Variants in LRRC4C observed in about 807,000 individuals in gnomAD.
LRRC4C encodes leucine-rich repeat-containing protein 4C.
LRRC4C carries 5 observed loss-of-function variants against 33.6 expected under a neutral mutation model. That is an observed-to-expected ratio of 0.15 (90% CI 0.08 to 0.31). The LOEUF (loss-of-function observed/expected upper bound fraction) is 0.31, where lower values mean the gene tolerates loss of function less well. Ranked by LOEUF, LRRC4C falls within the 10% of genes least tolerant of loss-of-function variation. The probability of loss-of-function intolerance (pLI) is 1.00; values close to 1 mark genes in which losing one functional copy is unlikely to be tolerated. For synonymous variants in LRRC4C, 329 were observed against 302.0 expected (o/e 1.09, Z -0.93); for missense variants, 560 against 796.7 (o/e 0.70, Z 3.58).
chr11:41,422,261 C>A (rs183889239), intron 1 of LRRC4C, among the ~76,000 whole-genome samples: 1 of 152,024 alleles, frequency 6.6e-6, no homozygotes, highest in African/African-American at 2.4e-5. Flanking sequence ...GAGCTCTTCC[C>A]GACCCCAGCC....
At chr11:41,237,774 C>G (rs893031463) in intron 1 of LRRC4C, among the ~76,000 whole-genome samples, 1 of 152,092 alleles carries the variant, frequency 6.6e-6, no homozygotes, top group Non-Finnish European at 1.5e-5. Context: ...AGAGTGTCAA[C>G]AGAGCTTTCA....
chr11:40,512,933 G>A (rs1955390307), intron 3 of LRRC4C, among the ~76,000 whole-genome samples: 1 of 152,110 alleles, frequency 6.6e-6, no homozygotes, highest in African/African-American at 2.4e-5. Context: ...TAGAGTGGCA[G>A]ACAAATATTT....
chr11:40,870,444 A>C (rs1293863041), intron 2 of LRRC4C, among the ~76,000 whole-genome samples: 1 of 152,152 alleles, frequency 6.6e-6, no homozygotes, highest in Non-Finnish European at 1.5e-5. Context: ...TCATACTAGA[A>C]TCAGGGCTGT....
intron 5 of LRRC4C, among the ~76,000 whole-genome samples, chr11:40,238,926 T>C (rs1865750808): frequency 6.6e-6 from 1 of 152,154 alleles, no homozygotes; most frequent in Admixed American, 6.6e-5. Flanking sequence ...AACACTGCCT[T>C]AAAATGTTAT....
intron 3 of LRRC4C, among the ~76,000 whole-genome samples, chr11:40,628,147 G>T (rs954927766): frequency 6.6e-6 from 1 of 152,150 alleles, no homozygotes; most frequent in Non-Finnish European, 1.5e-5. Context: ...GTATTTAAAA[G>T]ATCATAGGAT....
chr11:41,045,201 CT>C (rs5791417), intron 1 of LRRC4C, among the ~76,000 whole-genome samples: 50,735 of 151,752 alleles, frequency 0.33, 8,631 homozygotes, highest in Admixed American at 0.41. Flanking sequence ...TGTAAGAGAC[CT>C]TAAAAGTTTT....
chr11:40,774,593 A>G (rs908462769), intron 2 of LRRC4C, among the ~76,000 whole-genome samples: 2 of 152,176 alleles, frequency 1.3e-5, no homozygotes, highest in Non-Finnish European at 2.9e-5. Flanking sequence ...TTGAGAGAAG[A>G]GTTAAATTAC....
intron 3 of LRRC4C, among the ~76,000 whole-genome samples, chr11:40,448,409 C>G (rs1951735090): frequency 6.6e-6 from 1 of 151,920 alleles, no homozygotes; most frequent in African/African-American, 2.4e-5. Flanking sequence ...TAGCTCCCCA[C>G]CCCCCGACAG....
At chr11:40,965,950 T>C (rs1217697233) in intron 1 of LRRC4C, among the ~76,000 whole-genome samples, 1 of 152,134 alleles carries the variant, frequency 6.6e-6, no homozygotes, top group East Asian at 1.9e-4. Flanking sequence ...ATCTATAAAT[T>C]ACCTTGGGCA....
intron 4 of LRRC4C, among the ~76,000 whole-genome samples, chr11:40,302,970 A>C (rs1463426662): frequency 6.6e-6 from 1 of 152,236 alleles, no homozygotes; most frequent in Non-Finnish European, 1.5e-5. Context: ...GCAGGGAAGA[A>C]GATAAAATGC....
intron 1 of LRRC4C, among the ~76,000 whole-genome samples, chr11:41,399,241 G>T (rs1477224321): frequency 6.6e-6 from 1 of 151,886 alleles, no homozygotes; most frequent in East Asian, 1.9e-4. Context: ...TTTAAATATT[G>T]CCTTGATTTT....
chr11:40,949,440 G>A (rs1244876500), intron 1 of LRRC4C, among the ~76,000 whole-genome samples: 2 of 152,000 alleles, frequency 1.3e-5, no homozygotes, highest in African/African-American at 4.8e-5. Flanking sequence ...TGAAATGAAG[G>A]AAAAAATGTT....
intron 2 of LRRC4C, among the ~76,000 whole-genome samples, chr11:40,702,943 T>C (rs1945947478): frequency 6.6e-6 from 1 of 152,136 alleles, no homozygotes; most frequent in Non-Finnish European, 1.5e-5. Context: ...CCTTAGGAAA[T>C]TACTGGCCAC....
At chr11:40,912,515 C>T (rs1473394216) in intron 2 of LRRC4C, among the ~76,000 whole-genome samples, 3 of 152,274 alleles carry the variant, frequency 2.0e-5, no homozygotes, top group South Asian at 4.1e-4. Context: ...TTGTCACCAC[C>T]AGGCCTGCCC....
intron 2 of LRRC4C, among the ~76,000 whole-genome samples, chr11:40,680,438 C>A (rs1018715488): frequency 1.3e-5 from 2 of 152,132 alleles, no homozygotes; most frequent in African/African-American, 2.4e-5. Context: ...TGGTTTGGCT[C>A]TGTGTCCCCA....
chr11:40,753,086 G>A (rs60448546), intron 2 of LRRC4C, among the ~76,000 whole-genome samples: 17,296 of 151,622 alleles, frequency 0.11, 1,087 homozygotes, highest in Middle Eastern at 0.14. Flanking sequence ...TTTTTGAGAC[G>A]GAGTTGTTGA....
chr11:40,902,878 T>C (rs1200373271), intron 2 of LRRC4C, among the ~76,000 whole-genome samples: 1 of 152,140 alleles, frequency 6.6e-6, no homozygotes, highest in Non-Finnish European at 1.5e-5. Flanking sequence ...GAAAATAAGC[T>C]GTCTTTAAAA....
In LRRC4C at chr11:40,247,117, T is replaced by C. The variant is rs572340215; in HGVS notation, c.-175-5519A>G. Among the ~76,000 whole-genome samples, 23 of 151,988 alleles carry C rather than the reference T, an allele frequency of 1.5e-4. 1 individual carries two copies. The South Asian group carries it at 2.5e-3, about 17-fold the overall frequency. On this transcript the variant is annotated intron_variant, in intron 4 of 6. Coordinates refer to ENST00000528697, the MANE Select transcript of LRRC4C (RefSeq NM_001258419.2). ...TGTAACTCCTTCCTTTTCTCTCTTTTTTTTTTTTTAACTAATTTAAATATG... is the reference window on the plus strand; with the variant it reads ...TGTAACTCCTTCCTTTTCTCTCTTTCTTTTTTTTTAACTAATTTAAATATG...
At chr11:40,977,971 C>A (rs1045631915) in intron 1 of LRRC4C, among the ~76,000 whole-genome samples, 1 of 152,150 alleles carries the variant, frequency 6.6e-6, no homozygotes, top group African/African-American at 2.4e-5. Flanking sequence ...ACATTGAAAT[C>A]TAACATAAAA....
Sources: gnomAD v4.1 joint callset for allele counts (sites outside exome capture counted in the v4.1 genomes callset) on GRCh38, gnomAD v4.1.1 for gene constraint, MANE v1.5 for transcripts, NCBI Gene and HGNC (gene_info 2026-07-23, HGNC 2026-07-21) for gene names.